Variants in SHC2 observed in about 807,000 individuals in gnomAD.
SHC2 encodes the protein SHC-transforming protein 2.
Under a neutral mutation model 60.6 loss-of-function variants are expected in SHC2, and 62 were observed. That is an observed-to-expected ratio of 1.02 (90% CI 0.83 to 1.26). SHC2 has a LOEUF of 1.26. Ranked by LOEUF, SHC2 falls within the 50% of genes most tolerant of loss-of-function variation. The probability of loss-of-function intolerance (pLI) is 0.00; values close to 1 mark genes in which losing one functional copy is unlikely to be tolerated. For missense variants in SHC2, 873 were observed against 822.2 expected, an observed-to-expected ratio of 1.06 and a Z score of -0.76; for synonymous variants, 375 against 372.4, an observed-to-expected ratio of 1.01 and a Z score of -0.08.
At position 441,895 on chromosome 19, in the gene SHC2, C is replaced by A. The variant is rs1974880519; in HGVS notation, c.469-963G>T. On this transcript the variant is annotated intron_variant, in intron 1 of 12. Transcript: ENST00000264554. This position sits in a 1 kb window ranked among gnomAD's most constrained non-coding sequence, Gnocchi z 4.9. ...TGCAGCTCCATTTTTAGGACTTTAC[C>A]CCACAGATACATCAGCCTGAGGGCT... Among the ~76,000 whole-genome samples, 1 of 152,234 alleles carries A rather than the reference C, an allele frequency of 6.6e-6. No homozygotes were observed. Among genetic ancestry groups the A allele is most frequent in the South Asian group, 2.1e-4 (1 of 4,838 alleles).
chr19:424,611 G>A lies in SHC2; in HGVS notation c.1309+486C>T, dbSNP rs946580414. Among the ~76,000 whole-genome samples, 8 of 152,276 alleles carry A rather than the reference G, an allele frequency of 5.3e-5. No individual in the cohort carries two copies. The South Asian group carries it at 6.2e-4, about 12-fold the overall frequency. On this transcript the variant is annotated intron_variant, in intron 10 of 12. Transcript: ENST00000264554. This position sits in a 1 kb window ranked among gnomAD's most constrained non-coding sequence, Gnocchi z 4.5. ...ACTGGAGGGCCTCACAGACGGGGCC[G>A]CAGCCTCCCACCACACTGACCATTC... is the stretch of plus-strand genomic sequence containing the variant.
chr19:427,988 C>T lies in SHC2; in HGVS notation c.1174+2696G>A, dbSNP rs547615266. The stretch of plus-strand genomic sequence containing the variant: ...CGGCACAGGGAAGAGAAATTGCACC[C>T]CGCACAGGGAAGGGAGGATCTCTTG... On this transcript the variant is annotated intron_variant, in intron 9 of 12. Transcript: ENST00000264554. 2.0e-5 allele frequency among the ~76,000 whole-genome samples: 3 copies of T among 152,204 alleles called. No homozygotes were observed. In the East Asian group the frequency reaches 5.8e-4, roughly 29 times the overall value.
In SHC2 at chr19:425,074, C is replaced by T; in HGVS notation, c.1309+23G>A. ...ACAACACGGCCACACGCGATGACGG[C>T]CGCCCCCCAGGCTGCCACATACGCA... is the stretch of plus-strand genomic sequence containing the variant. On this transcript the variant is annotated intron_variant, in intron 10 of 12. Coordinates refer to ENST00000264554, the MANE Select transcript of SHC2 (RefSeq NM_012435.3). The surrounding 1 kb of genome is among the most constrained non-coding windows in gnomAD (Gnocchi z 4.1). 7.3e-7 allele frequency: 1 copy of T among 1,363,806 alleles called. No homozygotes were observed. The highest frequency in any genetic ancestry group is 9.5e-7 in the Non-Finnish European group (1 of 1,049,522). 84.5% of individuals were successfully genotyped at this position (1,363,806 alleles called of 1,614,324 possible).
At position 434,727 on chromosome 19, in the gene SHC2, G is replaced by A. The variant is rs1310246671; in HGVS notation, c.1092C>T (p.Ala364=). The change falls in exon 8 of 13, where the codon GCC becomes GCT. Residue 364 remains alanine (A), a synonymous_variant. Coordinates refer to ENST00000264554, the MANE Select transcript of SHC2 (RefSeq NM_012435.3). The stretch of plus-strand genomic sequence containing the variant: ...GGCTGACCTGGTCGAGGGCCGTGAG[G>A]GCGCAGGGCTGTGTCAGGGCCAGCC... The part of the protein sequence containing the change: ...DSRLALTQPC[A]LTALDQGPSP... The A allele has an allele frequency of 7.4e-6, 12 of 1,611,274 alleles. No homozygotes were observed. The highest frequency in any genetic ancestry group is 9.3e-6 in the Non-Finnish European group (11 of 1,179,398).
intron 1 of SHC2, among the ~76,000 whole-genome samples, chr19:450,315 G>A (rs147589951): frequency 4.7e-4 from 71 of 152,312 alleles, no homozygotes; most frequent in Admixed American, 7.8e-4. Flanking sequence ...AGAGTGGCGC[G>A]TTTTCGTGTG....
intron 1 of SHC2, among the ~76,000 whole-genome samples, chr19:448,554 AG>A (rs1388640383): frequency 8.4e-4 from 128 of 152,298 alleles, no homozygotes; most frequent in African/African-American, 3.0e-3. Context: ...ACGTCTGCAA[AG>A]GACCTTTTCC....
intron 4 of SHC2, among the ~76,000 whole-genome samples, chr19:437,267 T>C (rs553392520): frequency 6.8e-6 from 1 of 147,768 alleles, no homozygotes; most frequent in African/African-American, 2.7e-5. Flanking sequence ...TGCGTGCTCG[T>C]CTGCGTGCTC....
chr19:417,361 G>A (rs571399571), intron 12 of SHC2, 39 bp from the exon 13 acceptor site: 3 of 152,508 alleles, frequency 2.0e-5, no homozygotes, highest in Admixed American at 6.5e-5. Context: ...GGGCTGAGAC[G>A]GTGGCCGCAG....
intron 11 of SHC2, among the ~76,000 whole-genome samples, chr19:421,430 A>G (rs72970207): frequency 0.15 from 20,932 of 138,516 alleles, 1,623 homozygotes; most frequent in African/African-American, 0.16. Flanking sequence ...AAGAAAAGAA[A>G]AAGAGAGAAA....
In SHC2 at chr19:422,499, C is replaced by A; in HGVS notation, c.1310-43G>T. On this transcript the variant is annotated intron_variant, in intron 10 of 12. Transcript: ENST00000264554. The surrounding 1 kb of genome is among the most constrained non-coding windows in gnomAD (Gnocchi z 5.0). Reference sequence around the variant, plus strand: ...GAGTGCTGGGCAGGCAGGGGGCAAGCAGCTACTCCTGCCGGGACCAGAGCT... The same window carrying A: ...GAGTGCTGGGCAGGCAGGGGGCAAGAAGCTACTCCTGCCGGGACCAGAGCT... 1 of 1,440,220 alleles carries A rather than the reference C, an allele frequency of 6.9e-7. No homozygotes were observed. Among genetic ancestry groups the A allele is most frequent in the Admixed American group, 2.6e-5 (1 of 38,934 alleles). 89.2% of individuals were successfully genotyped at this position (1,440,220 alleles called of 1,614,324 possible). A position where few individuals can be genotyped will look rare whatever the true frequency, so the allele number is the denominator to read the frequency against.
At chr19:421,331 C>T (rs1200026570) in intron 11 of SHC2, among the ~76,000 whole-genome samples, 3 of 142,018 alleles carry the variant, frequency 2.1e-5, no homozygotes, top group Non-Finnish European at 4.5e-5. Flanking sequence ...ACGCGGGAGG[C>T]GGAGCTTGCA....
intron 1 of SHC2, among the ~76,000 whole-genome samples, chr19:444,536 G>T (rs1022899335): frequency 6.6e-6 from 1 of 152,130 alleles, no homozygotes. Flanking sequence ...GGGAGGTGGG[G>T]GGCAAACCCT....
intron 1 of SHC2, 96 bp downstream of exon 1, chr19:460,433 G>C: frequency 2.1e-6 from 1 of 469,590 alleles, no homozygotes; most frequent in Non-Finnish European, 3.1e-6. Context: ...ATGGGGAGGG[G>C]ACACCTGGCT....
intron 1 of SHC2, among the ~76,000 whole-genome samples, chr19:456,517 G>A (rs1975345976): frequency 6.6e-6 from 1 of 152,028 alleles, no homozygotes; most frequent in African/African-American, 2.4e-5. Context: ...ACTTCCACAC[G>A]GCCCCTGGAA....
rs565986387 is a variant in SHC2, at chr19:423,871, C to T, written c.1309+1226G>A. On this transcript the variant is annotated intron_variant, in intron 10 of 12. Transcript: ENST00000264554. The stretch of plus-strand genomic sequence containing the variant: ...GGGGCTGCCTGGCAGTCTGGTCACC[C>T]TGAGGGACAGCCTGCCTCAGAGGGA... Among the ~76,000 whole-genome samples the T allele has an allele frequency of 2.2e-3, 336 of 152,330 alleles. 3 individuals are homozygous for T. The highest frequency in any genetic ancestry group is 7.8e-3 in the African/African-American group (326 of 41,574).
intron 1 of SHC2, among the ~76,000 whole-genome samples, chr19:459,956 G>A (rs1018199400): frequency 3.9e-5 from 6 of 152,196 alleles, no homozygotes; most frequent in Admixed American, 1.3e-4. Flanking sequence ...CCTCCTAGGT[G>A]GAGGCGTGCT....
Position 440,513 on chromosome 19 carries a change from G to A in SHC2, c.539+349C>T, listed in dbSNP as rs925363937. Among the ~76,000 whole-genome samples, 7 of 152,200 alleles carry A rather than the reference G, an allele frequency of 4.6e-5. No homozygotes were observed. The highest frequency in any genetic ancestry group is 1.9e-4 in the East Asian group (1 of 5,198). ...CACCGCATAGCATCCTGAGGTCACC[G>A]TGTGGAAAACAGAGCAGGGACACGG... is the stretch of plus-strand genomic sequence containing the variant. On this transcript the variant is annotated intron_variant, in intron 2 of 12. Transcript: ENST00000264554. This position sits in a 1 kb window ranked among gnomAD's most constrained non-coding sequence, Gnocchi z 7.0.
intron 1 of SHC2, among the ~76,000 whole-genome samples, chr19:447,040 C>T (rs1310495089): frequency 2.0e-5 from 3 of 152,158 alleles, no homozygotes; most frequent in South Asian, 2.1e-4. Context: ...AACATAATTG[C>T]GTTTACTTTT....
At chr19:436,095 G>A in intron 7 of SHC2, 70 bp downstream of exon 7, 1 of 1,532,940 alleles carries the variant, frequency 6.5e-7, no homozygotes, top group East Asian at 2.3e-5. Flanking sequence ...TGCAGGAGGT[G>A]GAGCAGGCTC....
Sources: allele counts gnomAD v4.1 joint callset (sites outside exome capture counted in the v4.1 genomes callset), GRCh38; gene constraint gnomAD v4.1.1; non-coding constraint Gnocchi (gnomAD v3.1); transcripts MANE v1.5; gene names NCBI Gene and HGNC (gene_info 2026-07-23, HGNC 2026-07-21).